Variants in CHRM3 observed in about 807,000 individuals in gnomAD.
CHRM3 encodes cholinergic receptor muscarinic 3.
Under a neutral mutation model 41.8 loss-of-function variants are expected in CHRM3, and 11 were observed. That is an observed-to-expected ratio of 0.26 (90% CI 0.17 to 0.44). CHRM3 has a LOEUF of 0.44. Ranked by LOEUF, CHRM3 falls within the 20% of genes least tolerant of loss-of-function variation. The pLI, the probability that CHRM3 is intolerant of heterozygous loss-of-function variation, is 1.00. For missense variants in CHRM3, 571 were observed against 745.4 expected, an observed-to-expected ratio of 0.77 and a Z score of 2.72; for synonymous variants, 297 against 301.4, an observed-to-expected ratio of 0.99 and a Z score of 0.15.
At chr1:239,888,266 C>G (rs1456318671) in intron 6 of CHRM3, among the ~76,000 whole-genome samples, 1 of 151,856 alleles carries the variant, frequency 6.6e-6, no homozygotes, top group Non-Finnish European at 1.5e-5. Flanking sequence ...ACCCGGGAGG[C>G]TGAGGTAGGA....
chr1:239,647,854 T>C (rs1180268647), intron 4 of CHRM3, among the ~76,000 whole-genome samples: 1 of 152,182 alleles, frequency 6.6e-6, no homozygotes, highest in Non-Finnish European at 1.5e-5. Flanking sequence ...AGCCACTTCC[T>C]AGCTGGCTCA....
intron 1 of CHRM3, among the ~76,000 whole-genome samples, chr1:239,436,721 T>C (rs1448269782): frequency 6.6e-6 from 1 of 152,100 alleles, no homozygotes; most frequent in Non-Finnish European, 1.5e-5. Flanking sequence ...ATGCATTAGA[T>C]TCCAAGACCT....
chr1:239,525,479 G>A (rs981717765), intron 2 of CHRM3, among the ~76,000 whole-genome samples: 4 of 151,250 alleles, frequency 2.6e-5, no homozygotes, highest in African/African-American at 9.7e-5. Context: ...TATTTTAACT[G>A]TAAATCATAC....
intron 5 of CHRM3, among the ~76,000 whole-genome samples, chr1:239,743,855 C>T (rs1379530703): frequency 3.1e-5 from 4 of 129,606 alleles, no homozygotes; most frequent in African/African-American, 6.0e-5. Context: ...TGCAGCAGTG[C>T]GATCATAGCT....
intron 5 of CHRM3, among the ~76,000 whole-genome samples, chr1:239,739,383 G>A (rs1664652228): frequency 6.6e-6 from 1 of 152,154 alleles, no homozygotes; most frequent in South Asian, 2.1e-4. Context: ...TTCCAAAACA[G>A]TACCAATCAA....
intron 4 of CHRM3, among the ~76,000 whole-genome samples, chr1:239,676,287 A>G (rs1657996372): frequency 6.6e-6 from 1 of 152,214 alleles, no homozygotes; most frequent in Non-Finnish European, 1.5e-5. Flanking sequence ...AGCTGGATTC[A>G]GACAGAATGA....
At chr1:239,793,690 G>A (rs1477622203) in intron 5 of CHRM3, among the ~76,000 whole-genome samples, 1 of 151,892 alleles carries the variant, frequency 6.6e-6, no homozygotes, top group Non-Finnish European at 1.5e-5. Context: ...ACTGTGAATG[G>A]TGGGATATTG....
At chr1:239,882,076 T>G (rs1317874725) in intron 6 of CHRM3, among the ~76,000 whole-genome samples, 1 of 152,052 alleles carries the variant, frequency 6.6e-6, no homozygotes, top group Non-Finnish European at 1.5e-5. Flanking sequence ...CCGCTAATTT[T>G]TGTATTTTTT....
chr1:239,535,242 A>C (rs1658079447), intron 2 of CHRM3, among the ~76,000 whole-genome samples: 1 of 152,178 alleles, frequency 6.6e-6, no homozygotes, highest in Non-Finnish European at 1.5e-5. Flanking sequence ...ACACTGGCCC[A>C]GAATCCACGT....
chr1:239,440,197 CAAAA>C (rs1281168939), intron 1 of CHRM3, among the ~76,000 whole-genome samples: 1 of 62,314 alleles, frequency 1.6e-5, no homozygotes, highest in Admixed American at 1.7e-4. Context: ...GACTCTGTCT[CAAAA>C]AAAAAAAAAA....
chr1:239,537,770 G>A (rs1658348632), intron 2 of CHRM3, among the ~76,000 whole-genome samples: 1 of 152,116 alleles, frequency 6.6e-6, no homozygotes, highest in African/African-American at 2.4e-5. Flanking sequence ...AAGGGTCTGT[G>A]GTTACACTGA....
chr1:239,620,724 TAAG>T (rs1668264892), intron 3 of CHRM3, among the ~76,000 whole-genome samples: 1 of 152,052 alleles, frequency 6.6e-6, no homozygotes, highest in Non-Finnish European at 1.5e-5. Flanking sequence ...TTGTTTATAA[TAAG>T]AAAAAGGAAG....
intron 5 of CHRM3, among the ~76,000 whole-genome samples, chr1:239,730,152 A>G (rs1438659179): frequency 1.3e-5 from 2 of 152,010 alleles, no homozygotes; most frequent in Non-Finnish European, 2.9e-5. Context: ...TAAATTTAAA[A>G]ACTGTATAGT....
intron 6 of CHRM3, among the ~76,000 whole-genome samples, chr1:239,901,254 C>A (rs1159102788): frequency 6.6e-6 from 1 of 152,072 alleles, no homozygotes; most frequent in Admixed American, 6.5e-5. Context: ...GATTCCAAGC[C>A]CTCCTTGGCA....
At chr1:239,906,210 ACT>A (rs912204185) in intron 6 of CHRM3, among the ~76,000 whole-genome samples, 1 of 152,132 alleles carries the variant, frequency 6.6e-6, no homozygotes, top group Non-Finnish European at 1.5e-5. Context: ...TTTGAGAGAC[ACT>A]CTGAGAAAAC....
intron 5 of CHRM3, among the ~76,000 whole-genome samples, chr1:239,684,875 G>C (rs953407085): frequency 1.3e-5 from 2 of 152,082 alleles, no homozygotes; most frequent in Non-Finnish European, 2.9e-5. Context: ...TGAGATTGGA[G>C]ATTGGAGGGG....
At chr1:239,585,013 A>C (rs1663264325) in intron 3 of CHRM3, among the ~76,000 whole-genome samples, 1 of 151,466 alleles carries the variant, frequency 6.6e-6, no homozygotes, top group African/African-American at 2.4e-5. Flanking sequence ...ATGATTTGCA[A>C]CTGGAAGAGG....
intron 5 of CHRM3, among the ~76,000 whole-genome samples, chr1:239,722,715 T>G (rs1342576547): frequency 6.6e-6 from 1 of 151,940 alleles, no homozygotes; most frequent in Non-Finnish European, 1.5e-5. Flanking sequence ...AGTTAACATA[T>G]TCAAGAGTGG....
intron 5 of CHRM3, among the ~76,000 whole-genome samples, chr1:239,701,287 G>T (rs572015974): frequency 1.1e-4 from 17 of 152,294 alleles, no homozygotes; most frequent in African/African-American, 3.6e-4. Flanking sequence ...TCACGGGATT[G>T]TGTGGTCTTC....
Sources: gnomAD v4.1 joint callset for allele counts (sites outside exome capture counted in the v4.1 genomes callset) on GRCh38, gnomAD v4.1.1 for gene constraint, MANE v1.5 for transcripts, NCBI Gene and HGNC (gene_info 2026-07-23, HGNC 2026-07-21) for gene names.